SPACA7: variants seen among roughly 807,000 people sequenced by gnomAD.
SPACA7 encodes sperm acrosome associated 7.
Under a neutral mutation model 26.3 loss-of-function variants are expected in SPACA7, and 19 were observed. The ratio of observed to expected loss-of-function variants is 0.72; its 90% CI spans 0.50 to 1.06. SPACA7 has a LOEUF of 1.06. Ranked by LOEUF, SPACA7 falls within the 50% of genes least tolerant of loss-of-function variation. The probability of loss-of-function intolerance (pLI) is 0.00; values close to 1 mark genes in which losing one functional copy is unlikely to be tolerated. For missense variants in SPACA7, 211 were observed against 229.9 expected (o/e 0.92, Z 0.53); for synonymous variants, 84 against 84.5 (o/e 0.99, Z 0.04).
At chr13:112,414,636 C>A (rs1315561512) in intron 5 of SPACA7, among the ~76,000 whole-genome samples, 2 of 151,958 alleles carry the variant, frequency 1.3e-5, no homozygotes, top group East Asian at 1.9e-4. Context: ...GTCTCGAACT[C>A]CTGACGTCAA....
At chr13:112,380,563 T>C (rs1311076523) in intron 1 of SPACA7, among the ~76,000 whole-genome samples, 1 of 152,148 alleles carries the variant, frequency 6.6e-6, no homozygotes, top group African/African-American at 2.4e-5. Flanking sequence ...TGCTAGTGTA[T>C]CTTCACCACA....
At chr13:112,404,978 C>CTTTTTTTTTTTTTTT (rs373253878) in intron 5 of SPACA7, among the ~76,000 whole-genome samples, 2 of 94,254 alleles carry the variant, frequency 2.1e-5, no homozygotes, top group Non-Finnish European at 2.0e-5. Context: ...GTATTCTCTT[C>CTTTTTTTTTTTTTTT]TTTTTTTTTT....
At chr13:112,395,552 C>A (rs987335008) in intron 2 of SPACA7, among the ~76,000 whole-genome samples, 1 of 152,160 alleles carries the variant, frequency 6.6e-6, no homozygotes, top group African/African-American at 2.4e-5. Flanking sequence ...CTCACTGCAA[C>A]CTCCACCTTC....
chr13:112,403,038 C>T (rs1885746951), intron 5 of SPACA7, among the ~76,000 whole-genome samples: 1 of 151,540 alleles, frequency 6.6e-6, no homozygotes, highest in South Asian at 2.1e-4. Context: ...TTTTTCTTTC[C>T]TTTTTGGTTC....
chr13:112,400,982 G>A, intron 4 of SPACA7, 87 bp from the exon 5 acceptor site: 1 of 952,362 alleles, frequency 1.1e-6, no homozygotes, highest in South Asian at 1.5e-5. Flanking sequence ...TCTCAACTTA[G>A]CATGTTTAAA....
chr13:112,399,877 G>A (rs147217729), intron 4 of SPACA7, among the ~76,000 whole-genome samples: 1 of 152,266 alleles, frequency 6.6e-6, no homozygotes, highest in Non-Finnish European at 1.5e-5. Context: ...AGACCCTAGA[G>A]GAAGCAAGTA....
At chr13:112,398,549 T>G (rs1263857525) in intron 3 of SPACA7, among the ~76,000 whole-genome samples, 1 of 152,100 alleles carries the variant, frequency 6.6e-6, no homozygotes, top group African/African-American at 2.4e-5. Context: ...ATCACCCCAT[T>G]TGACAGAAGG....
At chr13:112,409,975 A>G (rs913738130) in intron 5 of SPACA7, among the ~76,000 whole-genome samples, 13 of 152,228 alleles carry the variant, frequency 8.5e-5, no homozygotes, top group African/African-American at 3.1e-4. Context: ...CCAAATGTCC[A>G]TCAATGATAG....
chr13:112,404,661 G>A (rs932690877), intron 5 of SPACA7, among the ~76,000 whole-genome samples: 7 of 144,190 alleles, frequency 4.9e-5, no homozygotes, highest in African/African-American at 1.8e-4. Flanking sequence ...AGCACCATTT[G>A]TTGAATAGGG....
At chr13:112,398,289 T>C (rs1189038421) in intron 3 of SPACA7, 151 bp downstream of exon 3, 5 of 620,510 alleles carry the variant, frequency 8.1e-6, no homozygotes, top group Non-Finnish European at 1.4e-5. Context: ...CAATATGGCA[T>C]CTAAAACCAT....
chr13:112,409,814 C>T (rs1342915779), intron 5 of SPACA7, among the ~76,000 whole-genome samples: 38 of 152,128 alleles, frequency 2.5e-4, no homozygotes. Context: ...GTGGCGATTC[C>T]TCAAGGAAGT....
chr13:112,411,399 A>T (rs1018018940), intron 5 of SPACA7, among the ~76,000 whole-genome samples: 13 of 152,170 alleles, frequency 8.5e-5, no homozygotes, highest in Non-Finnish European at 1.8e-4. Context: ...TGGGTAACTG[A>T]GATGTCCACC....
At chr13:112,392,947 C>G (rs1884987851) in intron 1 of SPACA7, 74 bp from the exon 2 acceptor site, 13 of 1,366,008 alleles carry the variant, frequency 9.5e-6, no homozygotes, top group South Asian at 5.3e-5. Context: ...CCCACAAAAC[C>G]ATATCCATTT....
chr13:112,380,274 G>A (rs1328124243), intron 1 of SPACA7, among the ~76,000 whole-genome samples: 3 of 151,968 alleles, frequency 2.0e-5, no homozygotes, highest in African/African-American at 7.3e-5. Context: ...ACATGGTGGT[G>A]CATGCCTGTA....
intron 5 of SPACA7, among the ~76,000 whole-genome samples, chr13:112,424,211 G>A (rs568947300): frequency 6.6e-6 from 1 of 152,224 alleles, no homozygotes; most frequent in Non-Finnish European, 1.5e-5. Flanking sequence ...GTCTCCACCA[G>A]CATCTCTGCT....
intron 5 of SPACA7, among the ~76,000 whole-genome samples, chr13:112,413,780 A>G (rs897080827): frequency 9.9e-5 from 15 of 152,102 alleles, no homozygotes; most frequent in African/African-American, 3.6e-4. Context: ...CTCTGACTGT[A>G]TATTTTTAAA....
chr13:112,392,101 G>C (rs1434143631), intron 1 of SPACA7, among the ~76,000 whole-genome samples: 1 of 152,220 alleles, frequency 6.6e-6, no homozygotes, highest in Admixed American at 6.5e-5. Context: ...TGGCCCTGCT[G>C]AGCCCAACCT....
In SPACA7 at chr13:112,424,880, G is replaced by A. The variant is rs138439290; in HGVS notation, c.446-7564G>A. Among the ~76,000 whole-genome samples, 486 of 152,236 alleles carry A rather than the reference G, an allele frequency of 3.2e-3. 2 individuals are homozygous for A. Among genetic ancestry groups the A allele is most frequent in the Non-Finnish European group, 5.3e-3 (358 of 68,010 alleles). On this transcript the variant is annotated intron_variant, in intron 5 of 6. Coordinates refer to ENST00000283550, the MANE Select transcript of SPACA7 (RefSeq NM_145248.5). Reference sequence around the variant, plus strand: ...TCTCGGTACATCCATATCCCCCCATGGGAACAAGGCTTCCTGAATGAGAGA... The same window carrying A: ...TCTCGGTACATCCATATCCCCCCATAGGAACAAGGCTTCCTGAATGAGAGA...
intron 1 of SPACA7, 122 bp from the exon 2 acceptor site, chr13:112,392,899 T>G: frequency 1.5e-6 from 1 of 669,236 alleles, no homozygotes. Flanking sequence ...GACTGGAACT[T>G]GGGCAGGGCT....
Sources: gnomAD v4.1 joint callset for allele counts (sites outside exome capture counted in the v4.1 genomes callset) on GRCh38, gnomAD v4.1.1 for gene constraint, MANE v1.5 for transcripts, NCBI Gene and HGNC (gene_info 2026-07-23, HGNC 2026-07-21) for gene names.